P4HTM: variants seen among roughly 807,000 people sequenced by gnomAD.
The protein encoded by P4HTM is transmembrane prolyl 4-hydroxylase.
In P4HTM, 33 loss-of-function variants were observed where a neutral mutation model predicts 55.3. The observed-to-expected ratio is 0.60, with a 90% confidence interval of 0.45 to 0.80. The LOEUF (loss-of-function observed/expected upper bound fraction) is 0.80. Among genes scored for constraint, P4HTM ranks in the 30% least tolerant of loss-of-function variants. P4HTM has a pLI of 0.00. For synonymous variants in P4HTM, 272 were observed against 286.4 expected (o/e 0.95, Z 0.51); for missense variants, 542 against 696.5 (o/e 0.78, Z 2.50).
Position 49,004,277 on chromosome 3 carries a change from G to A in P4HTM, c.887+17G>A. ...CCGCCAGAGGTGAGCACCTGAAGCT[G>A]TTCTCACTGGAGCAGGGGGAGAAGA... On this transcript the variant is annotated intron_variant, in intron 5 of 8. Coordinates refer to ENST00000383729, the MANE Select transcript of P4HTM (RefSeq NM_177939.3). The A allele has an allele frequency of 1.3e-6, 2 of 1,539,004 alleles. No homozygotes were observed. The highest frequency in any genetic ancestry group is 1.4e-5 in the African/African-American group (1 of 72,958).
intron 2 of P4HTM, among the ~76,000 whole-genome samples, chr3:48,992,536 G>A (rs1460830319): frequency 2.6e-5 from 4 of 151,486 alleles, no homozygotes; most frequent in African/African-American, 9.7e-5. Flanking sequence ...AACCCAGGAG[G>A]CAGAGGTTGC....
intron 6 of P4HTM, chr3:49,005,326 G>A (rs1452390628): frequency 1.4e-6 from 2 of 1,430,688 alleles, no homozygotes; most frequent in Non-Finnish European, 1.8e-6. Context: ...GCAAGGCTGG[G>A]CCCCTAGCTT....
At position 49,005,849 on chromosome 3, in the gene P4HTM, C is replaced by T. The variant is rs745466470; in HGVS notation, c.1146C>T (p.Asn382=). Residue 382 remains asparagine (N), a synonymous_variant, in exon 7 of 9, where the codon AAC becomes AAT. Transcript: ENST00000383729. ...GGETVFPVAD[N]RTYDEMSLIQ... Reference sequence around the variant, plus strand: ...AGACTGTTTTCCCTGTAGCAGATAACAGAACCTACGATGAAATGGTAAGGG... The same window carrying T: ...AGACTGTTTTCCCTGTAGCAGATAATAGAACCTACGATGAAATGGTAAGGG... 8 of 1,554,498 alleles carry T rather than the reference C, an allele frequency of 5.1e-6. No homozygotes were observed. The highest frequency in any genetic ancestry group is 6.9e-6 in the Non-Finnish European group (8 of 1,152,154).
chr3:49,000,797 C>T (rs745396180), intron 2 of P4HTM, among the ~76,000 whole-genome samples: 52 of 152,156 alleles, frequency 3.4e-4, no homozygotes, highest in Non-Finnish European at 6.8e-4. Context: ...ACTAAGTGAA[C>T]ATTTGTACCA....
rs758234403 is a variant in P4HTM, at chr3:48,990,527, A to G, written c.271A>G (p.Ser91Gly). 1 of 1,611,062 alleles carries G rather than the reference A, an allele frequency of 6.2e-7. No homozygotes were observed. Among genetic ancestry groups the G allele is most frequent in the Admixed American group, 1.7e-5 (1 of 59,926 alleles). Residue 91 changes from serine to glycine, a missense_variant, in exon 1 of 9, where the codon AGC (serine) becomes GGC (glycine). Physicochemically the swap from Ser to Gly is moderately conservative, Grantham distance 56. Transcript: ENST00000383729. The surrounding 1 kb of genome is among the most constrained non-coding windows in gnomAD (Gnocchi z 7.2). The stretch of plus-strand genomic sequence containing the variant: ...GCACTACAGCAACGGCGACGAAAGC[A>G]GCGATCCCGGGCCCCAACACCGTGC... ...FVHYSNGDES[S>G]DPGPQHRAQG... is the part of the protein sequence containing the mutation.
intron 2 of P4HTM, among the ~76,000 whole-genome samples, chr3:48,995,925 G>A (rs1287729840): frequency 1.3e-5 from 2 of 152,128 alleles, no homozygotes; most frequent in East Asian, 1.9e-4. Context: ...TTCACTGGGT[G>A]CTCTCAGCCC....
At position 49,001,574 on chromosome 3, in the gene P4HTM, G is replaced by A. The variant is rs1347919843; in HGVS notation, c.573G>A (p.Leu191=). ...TGAGCACTATGCAGGTCAGCCAGCT[G>A]GACCTCTTCCGGCTGCTGGACCAGA... ...EAMSTMQVSQ[L]DLFRLLDQNR... The change falls in exon 3 of 9, where the codon CTG becomes CTA. Residue 191 remains leucine (L), a synonymous_variant. Coordinates refer to ENST00000383729, the MANE Select transcript of P4HTM (RefSeq NM_177939.3). 1.2e-6 allele frequency: 2 copies of A among 1,613,700 alleles called. No individual in the cohort carries two copies. Among genetic ancestry groups the A allele is most frequent in the Non-Finnish European group, 8.5e-7 (1 of 1,179,906 alleles).
rs111283754 is a variant in P4HTM, at chr3:49,001,645, C to A, written c.627+17C>A. 2,279 of 1,601,886 alleles carry A rather than the reference C, an allele frequency of 1.4e-3. 20 individuals carry two copies. In the African/African-American group the frequency reaches 0.027, roughly 19 times the overall value. ...CTCCGTGAGGTTGGAATCCTGGGACCTGAGTAGGCTCAGGGTGGGAGTGCC... is the reference window on the plus strand; with the variant it reads ...CTCCGTGAGGTTGGAATCCTGGGACATGAGTAGGCTCAGGGTGGGAGTGCC... On this transcript the variant is annotated intron_variant, in intron 3 of 8. Coordinates refer to ENST00000383729, the MANE Select transcript of P4HTM (RefSeq NM_177939.3).
At chr3:48,997,766 G>A (rs1284330910) in intron 2 of P4HTM, 2 of 152,232 alleles carry the variant, frequency 1.3e-5, no homozygotes, top group Non-Finnish European at 2.9e-5. Context: ...GTTCCAACCA[G>A]GCATAGCATT....
At chr3:49,005,527 T>C in intron 6 of P4HTM, 1 of 1,353,188 alleles carries the variant, frequency 7.4e-7, no homozygotes, top group Non-Finnish European at 9.5e-7. Context: ...AGGCCCTTGC[T>C]CAGGGCCATG....
intron 2 of P4HTM, chr3:49,001,045 A>C (rs1229263279): frequency 6.9e-6 from 2 of 289,512 alleles, no homozygotes; most frequent in Non-Finnish European, 1.4e-5. Context: ...GAAAGCAAGA[A>C]GCAGCCACCA....
rs550434839 is a variant in P4HTM at position 49,005,822 on chromosome 3, C to T, written c.1119C>T (p.Gly373=). 15 of 1,583,112 alleles carry T rather than the reference C, an allele frequency of 9.5e-6. No homozygotes were observed. In the Admixed American group the frequency reaches 1.3e-4, roughly 14 times the overall value. ...LFYLNNVTGG[G]ETVFPVADNR... ...ATTTGAACAACGTCACTGGTGGGGG[C>T]GAGACTGTTTTCCCTGTAGCAGATA... The change falls in exon 7 of 9, where the codon GGC becomes GGT. Residue 373 remains glycine, a synonymous_variant. Transcript: ENST00000383729.
Position 49,002,636 on chromosome 3 carries a change from T to TC in P4HTM, c.724+42dup. The stretch of plus-strand genomic sequence containing the variant: ...CTGCACAGTCCTATCCCCGTGAGCC[T>TC]CCTGCCCACTCCCAGGTGCACAATT... On this transcript the variant is annotated intron_variant, in intron 4 of 8. Transcript: ENST00000383729. This position sits in a 1 kb window ranked among gnomAD's most constrained non-coding sequence, Gnocchi z 4.4. The TC allele has an allele frequency of 6.9e-7, 1 of 1,454,072 alleles. No individual in the cohort carries two copies. Among genetic ancestry groups the TC allele is most frequent in the Non-Finnish European group, 9.7e-7 (1 of 1,033,760 alleles). 90.1% of individuals were successfully genotyped at this position (1,454,072 alleles called of 1,614,324 possible).
At chr3:48,993,662 A>C (rs2092937469) in intron 2 of P4HTM, among the ~76,000 whole-genome samples, 2 of 151,528 alleles carry the variant, frequency 1.3e-5, no homozygotes, top group South Asian at 4.2e-4. Flanking sequence ...AGGAGTTCGA[A>C]ACCAGCCTGA....
In P4HTM at chr3:49,003,924, C is replaced by G. The variant is rs942292019; in HGVS notation, c.725-174C>G. ...GGTCTTCCTGTAAGGCCTGATGTGA[C>G]AGAAACCAGGTTCATCTGACCCAAA... is the stretch of plus-strand genomic sequence containing the variant. On this transcript the variant is annotated intron_variant, in intron 4 of 8. Coordinates refer to ENST00000383729, the MANE Select transcript of P4HTM (RefSeq NM_177939.3). 8 of 607,916 alleles carry G rather than the reference C, an allele frequency of 1.3e-5. No homozygotes were observed. The African/African-American group carries it at 1.5e-4, about 11-fold the overall frequency. 37.7% of individuals were successfully genotyped at this position (607,916 alleles called of 1,614,324 possible). A position where few individuals can be genotyped will look rare whatever the true frequency, so the allele number is the denominator to read the frequency against.
At chr3:48,992,582 G>A (rs1346295301) in intron 2 of P4HTM, among the ~76,000 whole-genome samples, 29 of 150,800 alleles carry the variant, frequency 1.9e-4, no homozygotes, top group Admixed American at 4.0e-4. Flanking sequence ...TTCCAGCCTG[G>A]GCAACAGAGA....
rs1465198751 is a variant in P4HTM, at chr3:48,990,661, G to C, written c.354+51G>C. On this transcript the variant is annotated intron_variant, in intron 1 of 8. Coordinates refer to ENST00000383729, the MANE Select transcript of P4HTM (RefSeq NM_177939.3). The surrounding 1 kb of genome is among the most constrained non-coding windows in gnomAD (Gnocchi z 7.2). ...CTCCAGGCCCTGCACGGCTGAGCCC[G>C]AGAGGACCGGCGCTCAGCCCGGGTC... 1.3e-6 allele frequency: 2 copies of C among 1,487,100 alleles called. No individual in the cohort carries two copies. The highest frequency in any genetic ancestry group is 1.8e-6 in the Non-Finnish European group (2 of 1,117,936). 92.1% of individuals were successfully genotyped at this position (1,487,100 alleles called of 1,614,324 possible).
chr3:48,991,018 C>G, intron 2 of P4HTM, 104 bp downstream of exon 2: 1 of 801,124 alleles, frequency 1.2e-6, no homozygotes, highest in Non-Finnish European at 2.1e-6. Context: ...ATGGCTGCTT[C>G]AGAGCAGCCC....
chr3:48,990,969 C>A lies in P4HTM; in HGVS notation c.436+55C>A. ...CCAGGGGCTGCGGTTTGGTGGCCAC[C>A]TTGAGGCTCGTTGTGACCACGTGAC... On this transcript the variant is annotated intron_variant, in intron 2 of 8. Transcript: ENST00000383729. This position sits in a 1 kb window ranked among gnomAD's most constrained non-coding sequence, Gnocchi z 7.2. The A allele has an allele frequency of 7.3e-7, 1 of 1,375,056 alleles. No homozygotes were observed. Among genetic ancestry groups the A allele is most frequent in the Non-Finnish European group, 1.0e-6 (1 of 969,628 alleles). 85.2% of individuals were successfully genotyped at this position (1,375,056 alleles called of 1,614,324 possible). A position where few individuals can be genotyped will look rare whatever the true frequency, so the allele number is the denominator to read the frequency against.
Sources: allele counts gnomAD v4.1 joint callset (sites outside exome capture counted in the v4.1 genomes callset), GRCh38; gene constraint gnomAD v4.1.1; non-coding constraint Gnocchi (gnomAD v3.1); transcripts MANE v1.5; gene names NCBI Gene and HGNC (gene_info 2026-07-23, HGNC 2026-07-21).